The following LRRC7 variants were observed in gnomAD, a reference collection of about 807,000 sequenced individuals.
The protein encoded by LRRC7 is leucine rich repeat containing 7.
A neutral mutation model predicts 175.7 loss-of-function variants in LRRC7; 23 were observed. The observed-to-expected ratio is 0.13, with a 90% CI of 0.09 to 0.19. The LOEUF is 0.19. Ranked by LOEUF, LRRC7 falls within the 10% of genes least tolerant of loss-of-function variation. The pLI is 1.00. For missense variants in LRRC7, 1,354 were observed against 1,904.7 expected (o/e 0.71, Z 5.38); for synonymous variants, 685 against 680.9 (o/e 1.01, Z -0.09).
chr1:69,927,306 G>A (rs931995249), intron 7 of LRRC7, among the ~76,000 whole-genome samples: 1 of 152,158 alleles, frequency 6.6e-6, no homozygotes, highest in Non-Finnish European at 1.5e-5. Flanking sequence ...TCTTCTTGGG[G>A]AGTATCTTTG....
intron 8 of LRRC7, among the ~76,000 whole-genome samples, chr1:69,944,674 T>G (rs1012493574): frequency 6.6e-6 from 1 of 152,060 alleles, no homozygotes; most frequent in Non-Finnish European, 1.5e-5. Context: ...ACACTTATTA[T>G]TTTGGTTTTT....
chr1:69,653,079 A>G (rs993023594), intron 1 of LRRC7, among the ~76,000 whole-genome samples: 1 of 152,134 alleles, frequency 6.6e-6, no homozygotes, highest in Non-Finnish European at 1.5e-5. Flanking sequence ...GGTCAACAAA[A>G]GTAAGAATAG....
At chr1:70,085,715 TA>T (rs2102156483) in intron 24 of LRRC7, among the ~76,000 whole-genome samples, 1 of 152,274 alleles carries the variant, frequency 6.6e-6, no homozygotes, top group South Asian at 2.1e-4. Context: ...ATAAGTAGAA[TA>T]ACTCCTCATT....
At chr1:69,838,575 T>C (rs929410660) in intron 7 of LRRC7, among the ~76,000 whole-genome samples, 8 of 151,890 alleles carry the variant, frequency 5.3e-5, no homozygotes, top group Admixed American at 1.3e-4. Flanking sequence ...AAATTGTCCT[T>C]CTTATAGCTA....
chr1:69,989,596 A>T (rs1466564081), intron 10 of LRRC7, among the ~76,000 whole-genome samples: 4 of 152,144 alleles, frequency 2.6e-5, no homozygotes, highest in African/African-American at 9.6e-5. Flanking sequence ...AAATGAGTTA[A>T]GAGACACAGA....
chr1:70,096,229 G>A (rs188228382), intron 25 of LRRC7, among the ~76,000 whole-genome samples: 281 of 152,274 alleles, frequency 1.8e-3, no homozygotes, highest in Admixed American at 3.0e-3. Flanking sequence ...CGCCTGCCGC[G>A]GCCTCCCAAA....
rs1237018567 is a variant in LRRC7 at position 70,139,706 on chromosome 1, T to C, written c.*17819T>C. On this transcript the variant is annotated 3_prime_UTR_variant, in exon 27 of 27. Transcript: ENST00000651989. ...ACTGCATTTCAAAATAGGCCAAAGC[T>C]GAAGTCATAGGAATGAGACATTAAT... The C allele has an allele frequency of 6.6e-6, 1 of 152,204 alleles. No homozygotes were observed. Among genetic ancestry groups the C allele is most frequent in the Non-Finnish European group, 1.5e-5 (1 of 68,040 alleles). The allele number at this position is 152,204 out of a possible 1,614,324, so 9.4% of individuals were successfully genotyped here. A position where few individuals can be genotyped will look rare whatever the true frequency, so the allele number is the denominator to read the frequency against.
intron 7 of LRRC7, among the ~76,000 whole-genome samples, chr1:69,859,921 A>G (rs1684177907): frequency 1.3e-5 from 2 of 151,996 alleles, no homozygotes; most frequent in Admixed American, 1.3e-4. Context: ...TTTTAGTATT[A>G]GTAAGTTAAA....
chr1:69,943,405 C>A (rs2101803746), intron 8 of LRRC7, among the ~76,000 whole-genome samples: 1 of 152,118 alleles, frequency 6.6e-6, no homozygotes, highest in East Asian at 1.9e-4. Flanking sequence ...CTAAAATAGA[C>A]AAATCCACAA....
intron 7 of LRRC7, among the ~76,000 whole-genome samples, chr1:69,904,797 G>A (rs1012655124): frequency 1.3e-5 from 2 of 151,980 alleles, no homozygotes; most frequent in Admixed American, 1.3e-4. Context: ...TACCCAATAA[G>A]CAGTTTTTCT....
chr1:69,797,575 T>A (rs991995218), intron 4 of LRRC7, among the ~76,000 whole-genome samples: 1 of 152,130 alleles, frequency 6.6e-6, no homozygotes, highest in Non-Finnish European at 1.5e-5. Flanking sequence ...CAAATTTACC[T>A]CCTAAATATA....
chr1:69,691,797 C>CAAAAAAAAAAA (rs57676937), intron 2 of LRRC7, among the ~76,000 whole-genome samples: 34 of 85,192 alleles, frequency 4.0e-4, no homozygotes, highest in African/African-American at 6.4e-4. Flanking sequence ...GACCCTGTCT[C>CAAAAAAAAAAA]AAAAAAAAAA....
chr1:69,791,879 C>T (rs140843271), intron 3 of LRRC7, among the ~76,000 whole-genome samples, 164 bp from the exon 4 acceptor site: 1 of 151,976 alleles, frequency 6.6e-6, no homozygotes, highest in East Asian at 1.9e-4. Context: ...GAATGTGAAG[C>T]CATTCAGAAA....
At chr1:69,791,114 A>C (rs1675060509) in intron 3 of LRRC7, among the ~76,000 whole-genome samples, 2 of 152,040 alleles carry the variant, frequency 1.3e-5, no homozygotes, top group Admixed American at 6.5e-5. Context: ...TAGAAATGTC[A>C]AACAGAAAAG....
chr1:69,858,378 T>C (rs939392540), intron 7 of LRRC7, among the ~76,000 whole-genome samples: 1 of 152,144 alleles, frequency 6.6e-6, no homozygotes, highest in African/African-American at 2.4e-5. Flanking sequence ...AAAGGACTAA[T>C]ATCCAGAATC....
At position 69,976,239 on chromosome 1, in the gene LRRC7, C is replaced by T. The variant is rs115871434; in HGVS notation, c.712-4140C>T. Among the ~76,000 whole-genome samples, 1,413 of 152,252 alleles carry T rather than the reference C, an allele frequency of 9.3e-3. 20 individuals are homozygous for T. The highest frequency in any genetic ancestry group is 0.031 in the Middle Eastern group (9 of 294). ...ATAAGGCCCCAAAATAGGCCCTCCA[C>T]AAGCTGAGGCACAAGGAAGCCAGTT... is the stretch of plus-strand genomic sequence containing the variant. On this transcript the variant is annotated intron_variant, in intron 8 of 26. Coordinates refer to ENST00000651989, the MANE Select transcript of LRRC7 (RefSeq NM_001370785.2).
chr1:69,674,067 G>A (rs1004581882), intron 1 of LRRC7, among the ~76,000 whole-genome samples: 1 of 152,128 alleles, frequency 6.6e-6, no homozygotes, highest in Non-Finnish European at 1.5e-5. Flanking sequence ...GAGTGTAGTG[G>A]CATGATCACA....
rs1653300089 is a variant in LRRC7 at position 69,636,034 on chromosome 1, A to G, written c.3-42347A>G. 3.9e-5 allele frequency among the ~76,000 whole-genome samples: 6 copies of G among 152,032 alleles called. No homozygotes were observed. In the South Asian group the frequency reaches 1.2e-3, roughly 31 times the overall value. On this transcript the variant is annotated intron_variant, in intron 1 of 26. Transcript: ENST00000651989. Reference sequence around the variant, plus strand: ...TTGGTAGGTAAAATATTAAATTGAAAAAGTTTGTTTAGGACATATTCATTG... The same window carrying G: ...TTGGTAGGTAAAATATTAAATTGAAGAAGTTTGTTTAGGACATATTCATTG...
At chr1:69,999,502 T>G (rs911398972) in intron 11 of LRRC7, among the ~76,000 whole-genome samples, 1 of 152,140 alleles carries the variant, frequency 6.6e-6, no homozygotes, top group African/African-American at 2.4e-5. Context: ...CGATAAAACT[T>G]TAATAGAGAT....
Sources: allele counts gnomAD v4.1 joint callset (sites outside exome capture counted in the v4.1 genomes callset), GRCh38; gene constraint gnomAD v4.1.1; transcripts MANE v1.5; gene names NCBI Gene and HGNC (gene_info 2026-07-23, HGNC 2026-07-21).